SPOCK1: variants seen among roughly 807,000 people sequenced by gnomAD.
SPOCK1 encodes the protein SPARC (osteonectin), cwcv and kazal like domains proteoglycan 1, also known as testican-1.
In SPOCK1, 23 loss-of-function variants were observed where a neutral mutation model predicts 55.3. The observed-to-expected ratio is 0.42, with a 90% CI of 0.30 to 0.59. SPOCK1 has a LOEUF of 0.59. Ranked by LOEUF, SPOCK1 falls within the 20% of genes least tolerant of loss-of-function variation. SPOCK1 has a pLI of 0.22. For synonymous variants in SPOCK1, 226 were observed against 221.0 expected, an observed-to-expected ratio of 1.02 and a Z score of -0.20; for missense variants, 499 against 552.5, an observed-to-expected ratio of 0.90 and a Z score of 0.97.
At position 136,979,474 on chromosome 5, in the gene SPOCK1, G is replaced by A; in HGVS notation, c.992-5C>T. On this transcript the variant is annotated splice_polypyrimidine_tract_variant and splice_region_variant and intron_variant, in intron 9 of 10. Transcript: ENST00000394945. ...TACACCGAGGTATGAAGGCCCCTGG[G>A]GGAACAAAAGGTGCAACTTTAATCA... 6.2e-7 allele frequency: 1 copy of A among 1,611,404 alleles called. No individual in the cohort carries two copies. The highest frequency in any genetic ancestry group is 8.5e-7 in the Non-Finnish European group (1 of 1,179,294).
intron 8 of SPOCK1, among the ~76,000 whole-genome samples, chr5:136,986,851 A>G (rs1365005774): frequency 6.6e-6 from 1 of 152,162 alleles, no homozygotes; most frequent in Non-Finnish European, 1.5e-5. Context: ...TTTTTATTTG[A>G]TTAATTTTTC....
At chr5:137,462,372 T>C (rs2149837698) in intron 2 of SPOCK1, among the ~76,000 whole-genome samples, 1 of 152,290 alleles carries the variant, frequency 6.6e-6, no homozygotes, top group East Asian at 1.9e-4. Context: ...AAAGTTTCAC[T>C]GCAGCTGGAT....
chr5:137,333,352 A>G (rs907082072), intron 2 of SPOCK1, among the ~76,000 whole-genome samples: 1 of 152,158 alleles, frequency 6.6e-6, no homozygotes, highest in African/African-American at 2.4e-5. Flanking sequence ...AAAGCTTGGG[A>G]AAAAGCTCAG....
chr5:137,227,587 A>G (rs1454706616), intron 3 of SPOCK1, among the ~76,000 whole-genome samples: 1 of 152,210 alleles, frequency 6.6e-6, no homozygotes, highest in African/African-American at 2.4e-5. Flanking sequence ...GGAGCCTAAA[A>G]GCCTTCTACT....
chr5:137,273,462 G>A (rs758616939), intron 2 of SPOCK1: 57 of 814,332 alleles, frequency 7.0e-5, no homozygotes, highest in Non-Finnish European at 1.3e-5. Flanking sequence ...ATACATTTTT[G>A]ATAATTGCAT....
chr5:137,416,398 T>A (rs1326713427), intron 2 of SPOCK1, among the ~76,000 whole-genome samples: 2 of 152,102 alleles, frequency 1.3e-5, no homozygotes, highest in Non-Finnish European at 2.9e-5. Flanking sequence ...ACTACATGGG[T>A]TCTCAGAATC....
In SPOCK1 at chr5:137,131,328, G is replaced by A. The variant is rs528340181; in HGVS notation, c.347+9252C>T. On this transcript the variant is annotated intron_variant, in intron 4 of 10. Transcript: ENST00000394945. The stretch of plus-strand genomic sequence containing the variant: ...AACTTTTATAAAAGAAGATTATATC[G>A]GCCAGGCGTGGCGGCTCACGCCTGT... 7.5e-4 allele frequency among the ~76,000 whole-genome samples: 114 copies of A among 152,304 alleles called. 3 individuals are homozygous for A. The South Asian group carries it at 0.023, about 30-fold the overall frequency.
chr5:137,239,222 A>G (rs1342103959), intron 3 of SPOCK1, among the ~76,000 whole-genome samples: 1 of 152,204 alleles, frequency 6.6e-6, no homozygotes, highest in Non-Finnish European at 1.5e-5. Context: ...CCTAAACAAT[A>G]GGATTTGACA....
intron 3 of SPOCK1, among the ~76,000 whole-genome samples, chr5:137,262,158 C>G (rs1447698150): frequency 6.6e-6 from 1 of 152,184 alleles, no homozygotes; most frequent in African/African-American, 2.4e-5. Context: ...ATCCCCAAAG[C>G]ATTACCTTTA....
chr5:137,154,970 T>C (rs1406141976), intron 3 of SPOCK1, among the ~76,000 whole-genome samples: 1 of 152,186 alleles, frequency 6.6e-6, no homozygotes, highest in African/African-American at 2.4e-5. Flanking sequence ...AAATCTGAGC[T>C]CAGCTCCTTG....
intron 3 of SPOCK1, among the ~76,000 whole-genome samples, chr5:137,228,829 T>C (rs145857808): frequency 8.3e-4 from 127 of 152,326 alleles, no homozygotes; most frequent in African/African-American, 3.0e-3. Flanking sequence ...GTTTAATTAC[T>C]ACATAGTAGC....
chr5:137,024,317 G>GGT (rs1554093470), intron 6 of SPOCK1, among the ~76,000 whole-genome samples: 2 of 89,160 alleles, frequency 2.2e-5, no homozygotes, highest in Non-Finnish European at 5.8e-5. Flanking sequence ...AGTTTGAAGG[G>GGT]GGGGGGGTAG....
At chr5:137,025,177 C>T (rs1751649679) in intron 6 of SPOCK1, among the ~76,000 whole-genome samples, 1 of 152,110 alleles carries the variant, frequency 6.6e-6, no homozygotes, top group South Asian at 2.1e-4. Flanking sequence ...ACTGGAGATC[C>T]ATTGTACAAC....
chr5:137,390,118 CT>C lies in SPOCK1; in HGVS notation c.186+108254del, dbSNP rs938485863. ...ACTAAAGGAAATCCTGTCTCCTCTTCTCTCTAAAAGGGACTCTGCAACCTGG... is the reference window on the plus strand; with the variant it reads ...ACTAAAGGAAATCCTGTCTCCTCTTCCTCTAAAAGGGACTCTGCAACCTGG... On this transcript the variant is annotated intron_variant, in intron 2 of 10. Coordinates refer to ENST00000394945, the MANE Select transcript of SPOCK1 (RefSeq NM_004598.4). Among the ~76,000 whole-genome samples, 58 of 152,144 alleles carry C rather than the reference CT, an allele frequency of 3.8e-4. 1 individual carries two copies. Among genetic ancestry groups the C allele is most frequent in the African/African-American group, 1.4e-3 (58 of 41,428 alleles).
intron 3 of SPOCK1, among the ~76,000 whole-genome samples, chr5:137,248,061 T>C (rs1167783036): frequency 1.3e-5 from 2 of 152,004 alleles, no homozygotes; most frequent in African/African-American, 4.8e-5. Context: ...GCAAAAGGCT[T>C]TGGGTTAACT....
intron 2 of SPOCK1, among the ~76,000 whole-genome samples, chr5:137,320,253 G>A (rs1408539916): frequency 6.6e-6 from 1 of 152,172 alleles, no homozygotes; most frequent in African/African-American, 2.4e-5. Flanking sequence ...TTTCTGTCCT[G>A]CCTGATTCAG....
intron 3 of SPOCK1, among the ~76,000 whole-genome samples, chr5:137,254,166 A>C (rs1756591905): frequency 6.6e-6 from 1 of 152,220 alleles, no homozygotes; most frequent in Non-Finnish European, 1.5e-5. Context: ...TACATGGCTT[A>C]TATCCAAAAA....
Position 137,434,480 on chromosome 5 carries a change from C to CTTTTTTTTTTTTTTTTTTTTTTTT in SPOCK1, c.186+63869_186+63892dup, listed in dbSNP as rs146762668. 8.8e-5 allele frequency among the ~76,000 whole-genome samples: 6 copies of CTTTTTTTTTTTTTTTTTTTTTTTT among 68,188 alleles called. 2 individuals are homozygous for CTTTTTTTTTTTTTTTTTTTTTTTT. Among genetic ancestry groups the CTTTTTTTTTTTTTTTTTTTTTTTT allele is most frequent in the Non-Finnish European group, 1.3e-4 (5 of 38,704 alleles). 44.7% of individuals were successfully genotyped at this position (68,188 alleles called of 152,430 possible). A position where few individuals can be genotyped will look rare whatever the true frequency, so the allele number is the denominator to read the frequency against. ...TTTCCCTTCTCCATTTCTTTTTTTT[C>CTTTTTTTTTTTTTTTTTTTTTTTT]TTTTTTTTTTTTTTTTTTTTTTTTT... On this transcript the variant is annotated intron_variant, in intron 2 of 10. Coordinates refer to ENST00000394945, the MANE Select transcript of SPOCK1 (RefSeq NM_004598.4).
intron 6 of SPOCK1, among the ~76,000 whole-genome samples, chr5:137,050,687 G>A (rs1752189632): frequency 6.6e-6 from 1 of 152,174 alleles, no homozygotes; most frequent in South Asian, 2.1e-4. Context: ...ATTTACTTTA[G>A]AGAGGAAGAT....
Sources: gnomAD v4.1 joint callset for allele counts (sites outside exome capture counted in the v4.1 genomes callset) on GRCh38, gnomAD v4.1.1 for gene constraint, MANE v1.5 for transcripts, NCBI Gene and HGNC (gene_info 2026-07-23, HGNC 2026-07-21) for gene names.